The following ZAN variants were observed in gnomAD, a reference collection of about 807,000 sequenced individuals.
ZAN encodes zonadhesin.
In ZAN, 260 loss-of-function variants were observed where a neutral mutation model predicts 286.2. That is an observed-to-expected ratio of 0.91 (90% CI 0.82 to 1.01). The LOEUF is 1.01. Ranked by LOEUF, ZAN falls within the 50% of genes least tolerant of loss-of-function variation. The probability of loss-of-function intolerance (pLI) is 0.00; values close to 1 mark genes in which losing one functional copy is unlikely to be tolerated. For synonymous variants in ZAN, 1,368 were observed against 1,417.5 expected (o/e 0.97, Z 0.79); for missense variants, 3,410 against 3,639.2 (o/e 0.94, Z 1.62).
chr7:100,790,278 T>A (rs1811851697), intron 39 of ZAN, among the ~76,000 whole-genome samples: 1 of 150,636 alleles, frequency 6.6e-6, no homozygotes, highest in Admixed American at 6.6e-5. Flanking sequence ...AAAAGTTAAT[T>A]AAGGCTGGGC....
chr7:100,768,407 C>T (rs946303319), intron 26 of ZAN, among the ~76,000 whole-genome samples: 4 of 152,144 alleles, frequency 2.6e-5, no homozygotes, highest in East Asian at 1.9e-4. Context: ...GGGAGGTGGA[C>T]GTTGCAGTGA....
Position 100,779,518 on chromosome 7 carries a change from GGCGGCCGACCTCCGCAGGGC to G in ZAN, c.6395_6414del (p.Ala2132GlyfsTer34), listed in dbSNP as rs1173925465. 2 of 1,612,636 alleles carry G rather than the reference GGCGGCCGACCTCCGCAGGGC, an allele frequency of 1.2e-6. No individual in the cohort carries two copies. The highest frequency in any genetic ancestry group is 1.7e-6 in the Non-Finnish European group (2 of 1,179,516). On this transcript the variant is annotated frameshift_variant, in exon 35 of 48. Transcript: ENST00000613979. LOFTEE classifies it high-confidence loss of function. Reference sequence around the variant, plus strand: ...AGGAGAACCCGAGTGGAAACTGCAGGGCGGCCGACCTCCGCAGGGCGCGGGAAAAGTGCGAGGCAGCGCTC... The same window carrying G: ...AGGAGAACCCGAGTGGAAACTGCAGGGCGGGAAAAGTGCGAGGCAGCGCTC...
In ZAN at chr7:100,767,056, C is replaced by T. The variant is rs77770888; in HGVS notation, c.4659C>T (p.Phe1553=). The T allele has an allele frequency of 0.041, 65,677 of 1,613,884 alleles. 1,757 individuals carry two copies. Among genetic ancestry groups the T allele is most frequent in the Middle Eastern group, 0.12 (740 of 6,062 alleles). ...TASGDPHYLT[F]DGALHHFMGT... is the part of the protein sequence containing the mutation. The stretch of plus-strand genomic sequence containing the variant: ...CGGGTGACCCCCACTACCTGACCTT[C>T]GATGGCGCCTTGCACCACTTCATGG... Residue 1553 remains phenylalanine, a synonymous_variant, in exon 25 of 48, where the codon TTC becomes TTT. Coordinates refer to ENST00000613979, the MANE Select transcript of ZAN (RefSeq NM_003386.3).
chr7:100,738,397 G>A lies in ZAN; in HGVS notation c.614-64G>A. The A allele has an allele frequency of 8.2e-6, 11 of 1,341,566 alleles. 1 individual carries two copies. The highest frequency in any genetic ancestry group is 1.0e-5 in the Non-Finnish European group (10 of 970,920). The allele number at this position is 1,341,566 out of a possible 1,614,324, so 83.1% of individuals were successfully genotyped here. On this transcript the variant is annotated intron_variant, in intron 6 of 47. Coordinates refer to ENST00000613979, the MANE Select transcript of ZAN (RefSeq NM_003386.3). ...CACACCACTGTACTCTAGCCTGGGT[G>A]ACAGAGACCCTGTCTCTAAAAAAGA... is the stretch of plus-strand genomic sequence containing the variant.
chr7:100,792,058 G>C lies in ZAN; in HGVS notation c.7622G>C (p.Ser2541Thr). ...GAATGTAGCCCGGAGCAGCTGGCGA[G>C]CAACAGCACCCAGGCCTGTAGGGTG... ...VSECSPEQLA[S>T]NSTQACRVLA... Residue 2541 changes from serine (S) to threonine (T), a missense_variant, in exon 41 of 48, where the codon AGC (serine) becomes ACC (threonine). Ser to Thr is a moderately conservative substitution (Grantham distance 58). Around this residue, in one of 7 missense-constraint regions of ZAN, gnomAD observed 1,289 missense variants for 1,314.3 expected, o/e 0.98. Transcript: ENST00000613979. The C allele has an allele frequency of 6.2e-7, 1 of 1,613,160 alleles. No individual in the cohort carries two copies. The highest frequency in any genetic ancestry group is 2.2e-5 in the East Asian group (1 of 44,858).
chr7:100,738,359 A>C (rs1369918821), intron 6 of ZAN, 102 bp from the exon 7 acceptor site: 3 of 1,148,482 alleles, frequency 2.6e-6, no homozygotes, highest in Non-Finnish European at 3.7e-6. Context: ...TCGAGGCCGC[A>C]GTGAGCTATG....
chr7:100,785,165 T>C (rs1366874900), intron 36 of ZAN, among the ~76,000 whole-genome samples: 1 of 150,874 alleles, frequency 6.6e-6, no homozygotes, highest in Non-Finnish European at 1.5e-5. Context: ...ATCTGTAAAA[T>C]GGGTTCAGTA....
rs1279143964 is a variant in ZAN at position 100,763,858 on chromosome 7, A to T, written c.4039A>T (p.Ser1347Cys). ...CCCGTCTTGTGATTCATCTCTGCAG[A>T]GCAGCATGTCGGGGCCAGGGTTCTG... ...NSPSCDSSLQ[S>C]SMSGPGFCGR... The change falls in exon 21 of 48, where the codon AGC becomes TGC. Residue 1347 changes from serine to cysteine, a missense_variant. Coordinates refer to ENST00000613979, the MANE Select transcript of ZAN (RefSeq NM_003386.3). The surrounding 1 kb of genome is among the most constrained non-coding windows in gnomAD (Gnocchi z 4.6). 2.5e-5 allele frequency: 40 copies of T among 1,613,860 alleles called. No individual in the cohort carries two copies. Among genetic ancestry groups the T allele is most frequent in the Non-Finnish European group, 3.1e-5 (37 of 1,179,888 alleles).
chr7:100,748,851 A>G (rs1387220260), intron 11 of ZAN, among the ~76,000 whole-genome samples: 1 of 151,222 alleles, frequency 6.6e-6, no homozygotes, highest in African/African-American at 2.4e-5. Flanking sequence ...CAACATAGTG[A>G]GAACCCCATC....
intron 34 of ZAN, 94 bp from the exon 35 acceptor site, chr7:100,779,352 T>C: frequency 1.5e-6 from 2 of 1,306,496 alleles, no homozygotes; most frequent in Non-Finnish European, 2.1e-6. Context: ...CACTCCAGCC[T>C]GGGTGACAGA....
chr7:100,775,353 G>A lies in ZAN; in HGVS notation c.5805G>A (p.Gly1935=). ...ASGVGVCQLP[G]ESHYVSFDGS... ...GTGTGGGAGTGTGTCAGCTCCCAGG[G>A]GAGTCCCACTACGTGAGCTTTGATG... Residue 1935 remains glycine (G), a synonymous_variant, in exon 32 of 48, where the codon GGG becomes GGA. Coordinates refer to ENST00000613979, the MANE Select transcript of ZAN (RefSeq NM_003386.3). 1 of 1,613,354 alleles carries A rather than the reference G, an allele frequency of 6.2e-7. No individual in the cohort carries two copies. The highest frequency in any genetic ancestry group is 8.5e-7 in the Non-Finnish European group (1 of 1,179,700).
chr7:100,756,139 C>T (rs980271580), intron 15 of ZAN, among the ~76,000 whole-genome samples: 6 of 152,114 alleles, frequency 3.9e-5, no homozygotes, highest in Non-Finnish European at 7.3e-5. Context: ...AAAGTGTACA[C>T]AGTAAGATTT....
At chr7:100,776,961 T>C (rs552424894) in intron 34 of ZAN, among the ~76,000 whole-genome samples, 1 of 149,652 alleles carries the variant, frequency 6.7e-6, no homozygotes, top group African/African-American at 2.5e-5. Context: ...CTCGATCTTC[T>C]GACCTCGTGA....
chr7:100,796,038 C>A (rs535185016), intron 45 of ZAN, among the ~76,000 whole-genome samples: 4 of 152,254 alleles, frequency 2.6e-5, no homozygotes, highest in Admixed American at 2.0e-4. Context: ...TAAGATCACG[C>A]TACTGCGCTC....
chr7:100,738,476 C>G lies in ZAN; in HGVS notation c.629C>G (p.Thr210Arg). ...TTCCTCTCAGTCTGTATGATGCAAA[C>G]ATGCAGCTTTGACATTCCAAATGAC... Reference protein sequence around the residue: ...GSCNRVCMMQTCSFDIPNDLC... With the variant: ...GSCNRVCMMQRCSFDIPNDLC... Residue 210 changes from threonine (T) to arginine (R), a missense_variant, in exon 7 of 48, where the codon ACA becomes AGA. Coordinates refer to ENST00000613979, the MANE Select transcript of ZAN (RefSeq NM_003386.3). 2 of 1,473,236 alleles carry G rather than the reference C, an allele frequency of 1.4e-6. 1 individual carries two copies. Among genetic ancestry groups the G allele is most frequent in the Non-Finnish European group, 1.8e-6 (2 of 1,081,374 alleles). 91.3% of individuals were successfully genotyped at this position (1,473,236 alleles called of 1,614,324 possible). A position where few individuals can be genotyped will look rare whatever the true frequency, so the allele number is the denominator to read the frequency against.
chr7:100,772,785 C>T (rs1431864310), intron 29 of ZAN, among the ~76,000 whole-genome samples: 2 of 150,722 alleles, frequency 1.3e-5, no homozygotes, highest in Non-Finnish European at 2.9e-5. Flanking sequence ...CATGCCACTG[C>T]ACTCCAGCCT....
intron 16 of ZAN, 50 bp from the exon 17 acceptor site, chr7:100,758,481 C>T (rs1809313886): frequency 6.4e-7 from 1 of 1,554,226 alleles, no homozygotes; most frequent in African/African-American, 1.4e-5. Flanking sequence ...TGCGGTCCAG[C>T]CTGGAGGAGC....
chr7:100,737,397 C>A lies in ZAN; in HGVS notation c.613+48C>A, dbSNP rs1201296404. ...GCCTGCCCTCGGACCCTTTTCTCTC[C>A]GTCCTTGCACAACAAGAAGAGGATC... On this transcript the variant is annotated intron_variant, in intron 6 of 47. Transcript: ENST00000613979. 1.1e-5 allele frequency: 14 copies of A among 1,243,270 alleles called. 1 individual carries two copies. In the South Asian group the frequency reaches 1.8e-4, roughly 16 times the overall value. The allele number at this position is 1,243,270 out of a possible 1,614,324, so 77.0% of individuals were successfully genotyped here.
Position 100,775,627 on chromosome 7 carries a change from C to T in ZAN, c.6028-42C>T, listed in dbSNP as rs76221435. 6.3e-3 allele frequency: 10,222 copies of T among 1,611,370 alleles called. 209 individuals are homozygous for T. The highest frequency in any genetic ancestry group is 0.054 in the Admixed American group (3,227 of 59,922). ...GGGAGGGAGTGCTGGGGAGGGGACT[C>T]TTGTCCCTGCTCCTACTCACCGTCA... is the stretch of plus-strand genomic sequence containing the variant. On this transcript the variant is annotated intron_variant, in intron 32 of 47. Coordinates refer to ENST00000613979, the MANE Select transcript of ZAN (RefSeq NM_003386.3).
Sources: allele counts gnomAD v4.1 joint callset (sites outside exome capture counted in the v4.1 genomes callset), GRCh38; gene constraint gnomAD v4.1.1; regional missense constraint gnomAD v4.1.1; non-coding constraint Gnocchi (gnomAD v3.1); transcripts MANE v1.5; gene names NCBI Gene and HGNC (gene_info 2026-07-23, HGNC 2026-07-21).